The following CASK variants were observed in gnomAD, a reference collection of about 807,000 sequenced individuals.
CASK encodes the protein calcium/calmodulin dependent serine protein kinase.
A neutral mutation model predicts 82.9 loss-of-function variants in CASK; 4 were observed. That is an observed-to-expected ratio of 0.05 (90% confidence interval 0.02 to 0.11). The LOEUF (loss-of-function observed/expected upper bound fraction) is 0.11. CASK is among the 10% of genes least tolerant of loss of function. CASK has a pLI of 1.00. For missense variants in CASK, 358 were observed against 720.9 expected (o/e 0.50, Z 5.76); for synonymous variants, 259 against 253.5 (o/e 1.02, Z -0.20).
chrX:41,627,873 G>A (rs931389753), intron 9 of CASK, among the ~76,000 whole-genome samples: 2 of 111,598 alleles, frequency 1.8e-5, no homozygotes, highest in South Asian at 3.8e-4. Context: ...GCATGGTGGC[G>A]CATGCCTGTA....
At chrX:41,686,930 A>G (rs1569396382) in intron 5 of CASK, among the ~76,000 whole-genome samples, 1 of 112,116 alleles carries the variant, frequency 8.9e-6, no homozygotes, top group Non-Finnish European at 1.9e-5. Context: ...GGACATATCG[A>G]AAATGAGCTA....
chrX:41,630,799 T>G (rs1306085071), intron 9 of CASK, among the ~76,000 whole-genome samples: 1 of 110,769 alleles, frequency 9.0e-6, no homozygotes, highest in Admixed American at 9.7e-5. Flanking sequence ...CTAAAAAGGG[T>G]GGAGAATTTG....
intron 11 of CASK, among the ~76,000 whole-genome samples, chrX:41,612,665 A>C (rs755456003): frequency 9.7e-3 from 299 of 30,972 alleles, no homozygotes; most frequent in African/African-American, 0.012. Flanking sequence ...GGGGGGTCAG[A>C]CCCCCGCCCG....
intron 1 of CASK, among the ~76,000 whole-genome samples, chrX:41,872,400 C>T (rs2071721804): frequency 9.0e-6 from 1 of 111,630 alleles, no homozygotes; most frequent in Non-Finnish European, 1.9e-5. Context: ...ACTGCACTAC[C>T]AGGATTATCA....
At chrX:41,602,034 T>C (rs887220434) in intron 12 of CASK, among the ~76,000 whole-genome samples, 1 of 112,530 alleles carries the variant, frequency 8.9e-6, no homozygotes, top group African/African-American at 3.2e-5. Flanking sequence ...CCATACTATT[T>C]TGATTATTGT....
intron 22 of CASK, among the ~76,000 whole-genome samples, chrX:41,538,719 A>AT (rs2064908795): frequency 8.9e-6 from 1 of 111,919 alleles, no homozygotes; most frequent in Non-Finnish European, 1.9e-5. Flanking sequence ...TCCAGGTTGA[A>AT]TTTTTTCCAT....
At chrX:41,732,450 C>G (rs1257671090) in intron 5 of CASK, among the ~76,000 whole-genome samples, 2 of 111,211 alleles carry the variant, frequency 1.8e-5, no homozygotes, top group Non-Finnish European at 3.8e-5. Flanking sequence ...GAGTTACGGG[C>G]AAATCTGGGA....
chrX:41,781,875 T>A (rs1332355768), intron 3 of CASK, among the ~76,000 whole-genome samples: 1 of 112,072 alleles, frequency 8.9e-6, no homozygotes, highest in Admixed American at 9.6e-5. Context: ...TTTCTATTTC[T>A]AGTTTGCTTC....
chrX:41,891,495 A>G (rs1329653898), intron 1 of CASK, among the ~76,000 whole-genome samples: 3 of 111,996 alleles, frequency 2.7e-5, no homozygotes, highest in Non-Finnish European at 5.6e-5. Context: ...AATCAATTAG[A>G]CTTATTCAAA....
At chrX:41,915,337 A>G in intron 1 of CASK, among the ~76,000 whole-genome samples, 1 of 112,701 alleles carries the variant, frequency 8.9e-6, no homozygotes, top group Middle Eastern at 4.6e-3. Flanking sequence ...GCAGCAGCTA[A>G]AGAGGAGATA....
chrX:41,749,376 ATTTTTTTTT>A (rs35045589), intron 3 of CASK, among the ~76,000 whole-genome samples: 1 of 72,385 alleles, frequency 1.4e-5, no homozygotes, highest in Non-Finnish European at 2.8e-5. Context: ...TTCTTCACCA[ATTTTTTTTT>A]TTTTTTTTTT....
intron 22 of CASK, among the ~76,000 whole-genome samples, chrX:41,536,022 A>C (rs2064869030): frequency 8.9e-6 from 1 of 111,776 alleles, no homozygotes; most frequent in Admixed American, 9.5e-5. Flanking sequence ...TTTTTTAAAG[A>C]ATATTGAATA....
chrX:41,907,812 C>A lies in CASK; in HGVS notation c.59+15118G>T, dbSNP rs570237560. Reference sequence around the variant, plus strand: ...TTGTGGAAGACAATTTTTCCATGGACGATGGGGACCGGGGTGGGGGTAGGG... The same window carrying A: ...TTGTGGAAGACAATTTTTCCATGGAAGATGGGGACCGGGGTGGGGGTAGGG... On this transcript the variant is annotated intron_variant, in intron 1 of 26. Transcript: ENST00000378163. Among the ~76,000 whole-genome samples the A allele has an allele frequency of 9.9e-5, 11 of 110,628 alleles. No individual in the cohort carries two copies. The South Asian group carries it at 3.9e-3, about 39-fold the overall frequency.
At chrX:41,850,072 C>T (rs1304285099) in intron 2 of CASK, among the ~76,000 whole-genome samples, 1 of 111,633 alleles carries the variant, frequency 9.0e-6, no homozygotes, top group Non-Finnish European at 1.9e-5. Context: ...CCCAGCTATT[C>T]AGGCGGCTGA....
intron 16 of CASK, among the ~76,000 whole-genome samples, chrX:41,564,619 C>G (rs2065283055): frequency 9.0e-6 from 1 of 111,636 alleles, no homozygotes; most frequent in East Asian, 2.8e-4. Flanking sequence ...AGTAATATAA[C>G]AAAGAGAAGT....
At chrX:41,751,446 AAACTAGTCCTGAG>A (rs1039858148) in intron 3 of CASK, among the ~76,000 whole-genome samples, 6 of 110,711 alleles carry the variant, frequency 5.4e-5, no homozygotes, top group African/African-American at 2.0e-4. Context: ...AGTGAGTGAA[AAACTAGTCCTGAG>A]AACAGAGAAA....
chrX:41,917,757 G>A (rs1426132932), intron 1 of CASK, among the ~76,000 whole-genome samples: 1 of 111,860 alleles, frequency 8.9e-6, no homozygotes, highest in Non-Finnish European at 1.9e-5. Flanking sequence ...AAGCAGACAG[G>A]AAGAGACTAG....
intron 16 of CASK, chrX:41,562,813 C>G (rs1369429981): frequency 2.8e-5 from 3 of 107,933 alleles, no homozygotes; most frequent in African/African-American, 1.0e-4. Context: ...GTAATCCCAG[C>G]ACTTTGGGAG....
intron 15 of CASK, among the ~76,000 whole-genome samples, chrX:41,577,851 G>T (rs1379647545): frequency 9.0e-6 from 1 of 111,707 alleles, no homozygotes; most frequent in Admixed American, 9.6e-5. Flanking sequence ...GTAGGTAGCT[G>T]GGAGTGGAAG....
Sources: allele counts gnomAD v4.1 joint callset (sites outside exome capture counted in the v4.1 genomes callset), GRCh38; gene constraint gnomAD v4.1.1; transcripts MANE v1.5; gene names NCBI Gene and HGNC (gene_info 2026-07-23, HGNC 2026-07-21).